The following CADM4 variants were observed in gnomAD, a reference collection of about 807,000 sequenced individuals.
CADM4 encodes TSLC1-like 2.
Under a neutral mutation model 43.9 loss-of-function variants are expected in CADM4, and 13 were observed. That is an observed-to-expected ratio of 0.30 (90% CI 0.19 to 0.47). CADM4 has a LOEUF of 0.47. Among genes scored for constraint, CADM4 ranks in the 20% least tolerant of loss-of-function variants. The pLI is 1.00. For missense variants in CADM4, 420 were observed against 527.0 expected, an observed-to-expected ratio of 0.80 and a Z score of 1.99; for synonymous variants, 209 against 220.9, an observed-to-expected ratio of 0.95 and a Z score of 0.48.
chr19:43,625,060 G>C lies in CADM4; in HGVS notation c.928+18C>G. On this transcript the variant is annotated intron_variant, in intron 7 of 8. Transcript: ENST00000222374. The surrounding 1 kb of genome is among the most constrained non-coding windows in gnomAD (Gnocchi z 4.5). ...GGCGCCCCGCCCCCGCCCTCAGTCG[G>C]CCGCAGCCTGCTCTCACCGTAGACC... 1 of 1,516,604 alleles carries C rather than the reference G, an allele frequency of 6.6e-7. No individual in the cohort carries two copies. The highest frequency in any genetic ancestry group is 8.8e-7 in the Non-Finnish European group (1 of 1,131,154). The allele number at this position is 1,516,604 out of a possible 1,614,324, so 93.9% of individuals were successfully genotyped here.
rs1393668143 is a variant in CADM4, at chr19:43,625,223, C to T, written c.783G>A (p.Gly261=). The change falls in exon 7 of 9, where the codon GGG becomes GGA. Residue 261 remains glycine, a synonymous_variant. Coordinates refer to ENST00000222374, the MANE Select transcript of CADM4 (RefSeq NM_145296.2). This position sits in a 1 kb window ranked among gnomAD's most constrained non-coding sequence, Gnocchi z 4.5. ...PRPNQIRWNR[G]NESLPERAEA... ...CCGCCCTCTCCGGCAAAGACTCATT[C>T]CCGCGGTTCCAGCGGATCTGGTTTG... is the stretch of plus-strand genomic sequence containing the variant. The T allele has an allele frequency of 6.2e-7, 1 of 1,614,170 alleles. No homozygotes were observed. Among genetic ancestry groups the T allele is most frequent in the East Asian group, 2.2e-5 (1 of 44,882 alleles).
At chr19:43,630,232 G>T (rs573296100) in intron 1 of CADM4, among the ~76,000 whole-genome samples, 4 of 148,526 alleles carry the variant, frequency 2.7e-5, no homozygotes, top group African/African-American at 7.5e-5. Flanking sequence ...CATTTTGCCC[G>T]GCCTGCGCTA....
rs973561405 is a variant in CADM4, at chr19:43,626,353, C to T, written c.500-65G>A. The stretch of plus-strand genomic sequence containing the variant: ...GGCTCCATCCACCCACCCACCCGAG[C>T]CAACGCCAAAGCAGGCTATTTGCCA... On this transcript the variant is annotated intron_variant, in intron 4 of 8. Coordinates refer to ENST00000222374, the MANE Select transcript of CADM4 (RefSeq NM_145296.2). This position sits in a 1 kb window ranked among gnomAD's most constrained non-coding sequence, Gnocchi z 5.9. 4.4e-6 allele frequency: 7 copies of T among 1,575,692 alleles called. No homozygotes were observed. The African/African-American group carries it at 9.4e-5, about 21-fold the overall frequency.
chr19:43,628,026 G>A (rs1331525420), intron 1 of CADM4, among the ~76,000 whole-genome samples: 1 of 152,146 alleles, frequency 6.6e-6, no homozygotes, highest in Non-Finnish European at 1.5e-5. Flanking sequence ...GCAGCACAGG[G>A]CACACTAGGA....
Position 43,627,616 on chromosome 19 carries a change from ACT to A in CADM4, c.211+26_211+27del. 1.9e-6 allele frequency: 3 copies of A among 1,596,014 alleles called. No individual in the cohort carries two copies. Among genetic ancestry groups the A allele is most frequent in the Non-Finnish European group, 2.6e-6 (3 of 1,166,162 alleles). The stretch of plus-strand genomic sequence containing the variant: ...GGCCCCAGCCCTCTCTTCCTTTAAG[ACT>A]CCTGAGTCTGGTCCCCAGCACTCAC... On this transcript the variant is annotated intron_variant, in intron 2 of 8. Transcript: ENST00000222374. The surrounding 1 kb of genome is among the most constrained non-coding windows in gnomAD (Gnocchi z 4.0).
chr19:43,624,095 C>T lies in CADM4; in HGVS notation c.1057+19G>A. 6.2e-7 allele frequency: 1 copy of T among 1,614,008 alleles called. No individual in the cohort carries two copies. Among genetic ancestry groups the T allele is most frequent in the Admixed American group, 1.7e-5 (1 of 60,022 alleles). On this transcript the variant is annotated intron_variant, in intron 8 of 8. Coordinates refer to ENST00000222374, the MANE Select transcript of CADM4 (RefSeq NM_145296.2). ...CCTACAACCAACCAACCGTAGAGTC[C>T]AGGCCCCGTCCCACTCACCCTTCTG...
chr19:43,628,436 A>G (rs903115648), intron 1 of CADM4, among the ~76,000 whole-genome samples: 1 of 149,866 alleles, frequency 6.7e-6, no homozygotes, highest in Non-Finnish European at 1.5e-5. Flanking sequence ...CTCTGTCTCA[A>G]AAAAAAAAAG....
At chr19:43,640,127 G>T (rs1329354682), upstream of CADM4, among the ~76,000 whole-genome samples, 1 of 151,270 alleles carries the variant, frequency 6.6e-6, no homozygotes, top group Non-Finnish European at 1.5e-5. Context: ...TGCTGCGTGC[G>T]GGCCCAGGTG....
In CADM4 at chr19:43,626,302, G is replaced by A; in HGVS notation, c.500-14C>T. The stretch of plus-strand genomic sequence containing the variant: ...TGCTGCTCACTCCTGCCACACCCCG[G>A]TCAGACACTGTCAGGCCACAATTCC... On this transcript the variant is annotated splice_polypyrimidine_tract_variant and intron_variant, in intron 4 of 8. Transcript: ENST00000222374. This position sits in a 1 kb window ranked among gnomAD's most constrained non-coding sequence, Gnocchi z 5.9. 1 of 1,606,486 alleles carries A rather than the reference G, an allele frequency of 6.2e-7. No homozygotes were observed. Among genetic ancestry groups the A allele is most frequent in the Non-Finnish European group, 8.5e-7 (1 of 1,178,338 alleles).
Position 43,627,576 on chromosome 19 carries a change from G to A in CADM4, c.211+68C>T. 1 of 1,542,334 alleles carries A rather than the reference G, an allele frequency of 6.5e-7. No homozygotes were observed. The highest frequency in any genetic ancestry group is 1.8e-5 in the Admixed American group (1 of 55,816). The stretch of plus-strand genomic sequence containing the variant: ...AAACTCTCAGGTGTGTCCTCTTTCA[G>A]GACATGGGAGCCTGGGCCCCAGCCC... On this transcript the variant is annotated intron_variant, in intron 2 of 8. Transcript: ENST00000222374. This position sits in a 1 kb window ranked among gnomAD's most constrained non-coding sequence, Gnocchi z 4.0.
intron 1 of CADM4, among the ~76,000 whole-genome samples, chr19:43,630,574 G>A (rs950293360): frequency 1.3e-5 from 2 of 152,206 alleles, no homozygotes; most frequent in African/African-American, 2.4e-5. Context: ...TTGAGCTATC[G>A]TGTCCTGCTC....
At chr19:43,640,624 G>A (rs1169104913), upstream of CADM4, among the ~76,000 whole-genome samples, 1 of 152,030 alleles carries the variant, frequency 6.6e-6, no homozygotes, top group African/African-American at 2.4e-5. Flanking sequence ...GTCCCAGGAG[G>A]GAGAGGCTCC....
Position 43,627,229 on chromosome 19 carries a change from C to A in CADM4, c.301G>T (p.Gly101Cys). The A allele has an allele frequency of 6.2e-7, 1 of 1,601,466 alleles. No individual in the cohort carries two copies. Among genetic ancestry groups the A allele is most frequent in the Non-Finnish European group, 8.5e-7 (1 of 1,173,530 alleles). ...LSDARLEDEG[G>C]YFCQLYTEDT... ...TCTGTGTAGAGCTGGCAGAAATAGC[C>A]CCCCTCGTCCTCCAGGCGGGCATCT... The change falls in exon 3 of 9, where the codon GGC becomes TGC. Residue 101 changes from glycine (G) to cysteine (C), a missense_variant. Gly to Cys is a radical substitution (Grantham distance 159, BLOSUM62 -3). Coordinates refer to ENST00000222374, the MANE Select transcript of CADM4 (RefSeq NM_145296.2). The surrounding 1 kb of genome is among the most constrained non-coding windows in gnomAD (Gnocchi z 4.0).
At chr19:43,641,032 G>A (rs1973766700), upstream of CADM4, among the ~76,000 whole-genome samples, 1 of 145,870 alleles carries the variant, frequency 6.9e-6, no homozygotes, top group Non-Finnish European at 1.5e-5. Flanking sequence ...GCAGTGGCAC[G>A]ATCTCGACTC....
In CADM4 at chr19:43,623,390, T is replaced by G. The variant is rs73556588; in HGVS notation, c.1107A>C (p.Ala369=). Residue 369 remains alanine (A), a synonymous_variant, in exon 9 of 9, where the codon GCA becomes GCC. Coordinates refer to ENST00000222374, the MANE Select transcript of CADM4 (RefSeq NM_145296.2). This position sits in a 1 kb window ranked among gnomAD's most constrained non-coding sequence, Gnocchi z 4.4. ...EASGLDEQGE[A]REAFLNGSDG... is the part of the protein sequence containing the mutation. ...CGCTGCCATTGAGGAAGGCTTCTCT[T>G]GCTTCTCCCTGTTCATCCAAGCCAC... 2,567 of 1,614,124 alleles carry G rather than the reference T, an allele frequency of 1.6e-3. 32 individuals carry two copies. The African/African-American group carries it at 0.031, about 19-fold the overall frequency.
chr19:43,632,990 TGA>T, intron 1 of CADM4, among the ~76,000 whole-genome samples: 1 of 149,530 alleles, frequency 6.7e-6, no homozygotes, highest in East Asian at 2.0e-4. Flanking sequence ...CAGAATTGCT[TGA>T]ACCCAGGAGG....
chr19:43,636,950 C>T (rs1186442174), intron 1 of CADM4, among the ~76,000 whole-genome samples: 2 of 152,092 alleles, frequency 1.3e-5, no homozygotes, highest in Non-Finnish European at 2.9e-5. Context: ...AACAACTGCC[C>T]CCTCCACAAG....
chr19:43,628,269 C>CAAA lies in CADM4; in HGVS notation c.65-482_65-480dup, dbSNP rs1196984834. The stretch of plus-strand genomic sequence containing the variant: ...TGAAACCCTGTCACTACTAAAAATA[C>CAAA]AAAAAAAAAAAAAAAATTAGCTGGG... On this transcript the variant is annotated intron_variant, in intron 1 of 8. Transcript: ENST00000222374. 8.5e-3 allele frequency among the ~76,000 whole-genome samples: 1,084 copies of CAAA among 127,580 alleles called. 11 individuals carry two copies. The highest frequency in any genetic ancestry group is 0.03 in the African/African-American group (1,027 of 34,156). The allele number at this position is 127,580 out of a possible 152,430, so 83.7% of individuals were successfully genotyped here.
chr19:43,623,412 C>T lies in CADM4; in HGVS notation c.1085G>A (p.Gly362Asp). 1 of 1,614,140 alleles carries T rather than the reference C, an allele frequency of 6.2e-7. No individual in the cohort carries two copies. The part of the protein sequence containing the change: ...KGSYLTHEAS[G>D]LDEQGEAREA... ...TCTTGCTTCTCCCTGTTCATCCAAGCCACTGGCTTCGTGGGTCAGATAGGA... is the reference window on the plus strand; with the variant it reads ...TCTTGCTTCTCCCTGTTCATCCAAGTCACTGGCTTCGTGGGTCAGATAGGA... Residue 362 changes from glycine (G) to aspartate (D), a missense_variant, in exon 9 of 9, where the codon GGC (glycine) becomes GAC (aspartate). Transcript: ENST00000222374. The surrounding 1 kb of genome is among the most constrained non-coding windows in gnomAD (Gnocchi z 4.4).
Sources: allele counts gnomAD v4.1 joint callset (sites outside exome capture counted in the v4.1 genomes callset), GRCh38; gene constraint gnomAD v4.1.1; non-coding constraint Gnocchi (gnomAD v3.1); transcripts MANE v1.5; gene names NCBI Gene and HGNC (gene_info 2026-07-23, HGNC 2026-07-21).